Variants in SOX5 observed in about 807,000 individuals in gnomAD.
SOX5 encodes transcription factor SOX-5.
Under a neutral mutation model 92.0 loss-of-function variants are expected in SOX5, and 9 were observed. The observed-to-expected ratio is 0.10, with a 90% CI of 0.06 to 0.17. The LOEUF (loss-of-function observed/expected upper bound fraction) is 0.17. Among genes scored for constraint, SOX5 ranks in the 10% least tolerant of loss-of-function variants. The pLI is 1.00. For synonymous variants in SOX5, 344 were observed against 336.3 expected, an observed-to-expected ratio of 1.02 and a Z score of -0.25; for missense variants, 642 against 944.5, an observed-to-expected ratio of 0.68 and a Z score of 4.20.
Position 23,535,854 on chromosome 12 carries a change from T to C in SOX5, c.1988+599A>G, listed in dbSNP as rs140071729. Among the ~76,000 whole-genome samples the C allele has an allele frequency of 5.0e-3, 760 of 152,344 alleles. 8 individuals carry two copies. The highest frequency in any genetic ancestry group is 0.017 in the Middle Eastern group (5 of 294). ...AGAGAATTCTATAGAAGCAATGCAT[T>C]TCTGTAGCCCATCTACAGCACTGTC... is the stretch of plus-strand genomic sequence containing the variant. On this transcript the variant is annotated intron_variant, in intron 14 of 14. Transcript: ENST00000451604.
chr12:23,749,930 G>C (rs756915033), intron 4 of SOX5, among the ~76,000 whole-genome samples: 2 of 151,698 alleles, frequency 1.3e-5, no homozygotes, highest in Admixed American at 6.6e-5. Context: ...ACAAGGGGCT[G>C]GTCAATATGT....
chr12:23,701,154 C>A (rs925270660), intron 6 of SOX5, among the ~76,000 whole-genome samples: 1 of 151,942 alleles, frequency 6.6e-6, no homozygotes, highest in South Asian at 2.1e-4. Flanking sequence ...TAGTTATAAC[C>A]CTTAATTACT....
chr12:24,474,370 G>A (rs1197838186), intron 1 of SOX5, among the ~76,000 whole-genome samples: 1 of 152,130 alleles, frequency 6.6e-6, no homozygotes, highest in Non-Finnish European at 1.5e-5. Context: ...TCTGTATTTG[G>A]TGCCTTCAAA....
chr12:24,159,635 G>A (rs1281377096), intron 4 of SOX5, among the ~76,000 whole-genome samples: 2 of 151,878 alleles, frequency 1.3e-5, no homozygotes, highest in Non-Finnish European at 2.9e-5. Context: ...TATTTTCTAA[G>A]CCTAATTTTA....
At chr12:23,640,598 A>G (rs550988534) in intron 8 of SOX5, among the ~76,000 whole-genome samples, 2 of 152,356 alleles carry the variant, frequency 1.3e-5, no homozygotes, top group African/African-American at 4.8e-5. Context: ...CGGCAAGAAA[A>G]GAAATACGAT....
intron 4 of SOX5, among the ~76,000 whole-genome samples, chr12:24,050,897 T>G (rs1957499544): frequency 1.3e-5 from 2 of 152,144 alleles, no homozygotes; most frequent in South Asian, 4.1e-4. Context: ...TCCCTAGATG[T>G]AAAATTTACT....
rs181170033 is a variant in SOX5 at position 24,176,296 on chromosome 12, T to C, written c.-2+37047A>G. 2.1e-3 allele frequency among the ~76,000 whole-genome samples: 319 copies of C among 151,712 alleles called. No homozygotes were observed. In the Middle Eastern group the frequency reaches 0.037, roughly 18 times the overall value. ...GTGAGCCATGATCATACCACTGCAC[T>C]CCAGCCTGGGTAACAGGACGAGACC... On this transcript the variant is annotated intron_variant, in intron 4 of 4. Coordinates refer to the SOX5 transcript ENST00000446891.
At chr12:24,553,362 G>A (rs1327480610) in intron 1 of SOX5, among the ~76,000 whole-genome samples, 3 of 152,184 alleles carry the variant, frequency 2.0e-5, no homozygotes, top group African/African-American at 7.2e-5. Context: ...AGGGTTAAAT[G>A]AGATTATCCA....
At chr12:24,385,125 C>A (rs1958247431) in intron 1 of SOX5, among the ~76,000 whole-genome samples, 1 of 151,912 alleles carries the variant, frequency 6.6e-6, no homozygotes, top group Non-Finnish European at 1.5e-5. Context: ...TCTTATTGTG[C>A]CTAATTTCTA....
chr12:23,688,690 TC>T, intron 6 of SOX5, among the ~76,000 whole-genome samples: 1 of 152,242 alleles, frequency 6.6e-6, no homozygotes, highest in Non-Finnish European at 1.5e-5. Context: ...GAATTGGGCC[TC>T]AATTTTGCCA....
At chr12:23,941,615 T>C (rs1352559423) in intron 1 of SOX5, among the ~76,000 whole-genome samples, 1 of 151,552 alleles carries the variant, frequency 6.6e-6, no homozygotes, top group African/African-American at 2.4e-5. Context: ...TGCCTGACTA[T>C]TGGTACTTTG....
At chr12:23,650,239 G>C (rs1198417948) in intron 7 of SOX5, among the ~76,000 whole-genome samples, 1 of 152,106 alleles carries the variant, frequency 6.6e-6, no homozygotes, top group Non-Finnish European at 1.5e-5. Context: ...CAACCTGAAA[G>C]AGACTCGATA....
intron 7 of SOX5, among the ~76,000 whole-genome samples, chr12:23,649,234 C>T (rs2081255255): frequency 6.6e-6 from 1 of 151,666 alleles, no homozygotes; most frequent in Non-Finnish European, 1.5e-5. Flanking sequence ...CAAACAAGGT[C>T]AGGGGTCATT....
intron 8 of SOX5, among the ~76,000 whole-genome samples, chr12:23,625,247 G>A (rs931091772): frequency 1.3e-5 from 2 of 152,094 alleles, no homozygotes; most frequent in Non-Finnish European, 2.9e-5. Flanking sequence ...GTTTTTCCTT[G>A]CCAAGAGAAC....
chr12:23,551,088 A>C (rs993647370), intron 11 of SOX5, among the ~76,000 whole-genome samples: 1 of 152,014 alleles, frequency 6.6e-6, no homozygotes, highest in Non-Finnish European at 1.5e-5. Flanking sequence ...CAAAGCTATA[A>C]AAGTCATAAA....
intron 9 of SOX5, among the ~76,000 whole-genome samples, chr12:23,578,141 A>AAAAAAAAAAAAAAAAAAAAC (rs1565983838): frequency 7.3e-6 from 1 of 136,272 alleles, no homozygotes; most frequent in African/African-American, 2.7e-5. Context: ...AAAAAAAAAA[A>AAAAAAAAAAAAAAAAAAAAC]AAAAAAAAAC....
intron 1 of SOX5, among the ~76,000 whole-genome samples, chr12:24,536,600 T>C (rs961620741): frequency 1.3e-5 from 2 of 152,148 alleles, no homozygotes; most frequent in African/African-American, 4.8e-5. Context: ...CTTTTGAAAA[T>C]CCCTGCTCAA....
At chr12:23,999,065 T>C (rs1255989363) in intron 4 of SOX5, among the ~76,000 whole-genome samples, 2 of 150,412 alleles carry the variant, frequency 1.3e-5, no homozygotes, top group Non-Finnish European at 3.0e-5. Context: ...AACAGCAGAA[T>C]CCTCATCAGA....
chr12:24,410,348 C>T (rs1305968437), intron 1 of SOX5, among the ~76,000 whole-genome samples: 1 of 152,154 alleles, frequency 6.6e-6, no homozygotes, highest in Non-Finnish European at 1.5e-5. Flanking sequence ...TCAACTTTTC[C>T]TCCAGCTTTT....
Sources: gnomAD v4.1 joint callset for allele counts (sites outside exome capture counted in the v4.1 genomes callset) on GRCh38, gnomAD v4.1.1 for gene constraint, MANE v1.5 for transcripts, NCBI Gene and HGNC (gene_info 2026-07-23, HGNC 2026-07-21) for gene names.